GLYATL2: variants seen among roughly 807,000 people sequenced by gnomAD.
GLYATL2 encodes glycine N-acyltransferase-like protein 2.
GLYATL2 carries 25 observed loss-of-function variants against 21.4 expected under a neutral mutation model. That is an observed-to-expected ratio of 1.17 (90% CI 0.85 to 1.63). GLYATL2 has a LOEUF of 1.63. Ranked by LOEUF, GLYATL2 falls within the 40% of genes most tolerant of loss-of-function variation. The pLI is 0.00. For synonymous variants in GLYATL2, 114 were observed against 118.2 expected (o/e 0.96, Z 0.23); for missense variants, 361 against 343.3 (o/e 1.05, Z -0.41).
At chr11:58,894,250 G>T (rs972000921) in intron 1 of GLYATL2, among the ~76,000 whole-genome samples, 2 of 152,194 alleles carry the variant, frequency 1.3e-5, no homozygotes, top group African/African-American at 4.8e-5. Context: ...GAGGACTGGA[G>T]AGTGAGTAGG....
At chr11:58,869,490 A>G (rs1854079015) in intron 1 of GLYATL2, among the ~76,000 whole-genome samples, 1 of 152,154 alleles carries the variant, frequency 6.6e-6, no homozygotes, top group African/African-American at 2.4e-5. Flanking sequence ...TTTACCTATC[A>G]AGGCTAACAA....
intron 1 of GLYATL2, among the ~76,000 whole-genome samples, 157 bp downstream of exon 1, chr11:58,844,277 G>A (rs1231086898): frequency 6.6e-6 from 1 of 152,138 alleles, no homozygotes; most frequent in African/African-American, 2.4e-5. Flanking sequence ...AAAAGGTTTT[G>A]AAGAATTCAT....
intron 1 of GLYATL2, among the ~76,000 whole-genome samples, chr11:58,850,195 C>T (rs1028831933): frequency 2.0e-5 from 3 of 152,112 alleles, no homozygotes; most frequent in Non-Finnish European, 4.4e-5. Flanking sequence ...AGCTTTTCCC[C>T]ATTCAGTGTG....
At chr11:58,902,043 T>G (rs1854749074) in intron 1 of GLYATL2, among the ~76,000 whole-genome samples, 1 of 152,180 alleles carries the variant, frequency 6.6e-6, no homozygotes, top group Non-Finnish European at 1.5e-5. Flanking sequence ...ATGAGTGCAT[T>G]GTCTTCCTAA....
intron 1 of GLYATL2, among the ~76,000 whole-genome samples, chr11:58,900,083 T>C (rs1431873357): frequency 6.6e-6 from 1 of 152,224 alleles, no homozygotes; most frequent in Non-Finnish European, 1.5e-5. Context: ...AAACCTCCTC[T>C]GCTTTACAGC....
chr11:58,895,607 C>T (rs989080979), intron 1 of GLYATL2, among the ~76,000 whole-genome samples: 2 of 152,172 alleles, frequency 1.3e-5, no homozygotes, highest in African/African-American at 4.8e-5. Context: ...TATCAGGGGC[C>T]AGCACTGCTG....
At chr11:58,867,838 A>G (rs1854047936) in intron 1 of GLYATL2, among the ~76,000 whole-genome samples, 1 of 148,766 alleles carries the variant, frequency 6.7e-6, no homozygotes, top group Non-Finnish European at 1.5e-5. Context: ...AGAGAAGTGG[A>G]CTTGGAGAAT....
At chr11:58,846,524 G>A (rs1328136400), upstream of GLYATL2, among the ~76,000 whole-genome samples, 1 of 151,654 alleles carries the variant, frequency 6.6e-6, no homozygotes, top group Non-Finnish European at 1.5e-5. Flanking sequence ...GGGCACGGGG[G>A]TAGAAAGAAC....
chr11:58,859,743 A>G (rs1232350052), intron 1 of GLYATL2, among the ~76,000 whole-genome samples: 1 of 152,152 alleles, frequency 6.6e-6, no homozygotes, highest in East Asian at 1.9e-4. Context: ...GTGGTTTTGC[A>G]GTCTCAGGTC....
chr11:58,856,689 G>A (rs1853833875), intron 1 of GLYATL2, among the ~76,000 whole-genome samples: 1 of 152,154 alleles, frequency 6.6e-6, no homozygotes. Context: ...ATTAGGTGAG[G>A]CAGTCAGAAC....
At chr11:58,864,922 C>A (rs526640) in intron 1 of GLYATL2, among the ~76,000 whole-genome samples, 130,695 of 148,546 alleles carry the variant, frequency 0.88, 59,372 homozygotes, top group Non-Finnish European at 0.98. Flanking sequence ...TTGGAAAGAA[C>A]GATGGCAGAT....
intron 1 of GLYATL2, among the ~76,000 whole-genome samples, chr11:58,882,440 T>C (rs1278107294): frequency 6.6e-6 from 1 of 152,208 alleles, no homozygotes; most frequent in Non-Finnish European, 1.5e-5. Context: ...TTGATTTTTT[T>C]CTTATAAATT....
upstream of GLYATL2, among the ~76,000 whole-genome samples, chr11:58,845,778 AG>A (rs1355095246): frequency 6.6e-6 from 1 of 152,198 alleles, no homozygotes; most frequent in Non-Finnish European, 1.5e-5. Flanking sequence ...CTGGAACATG[AG>A]GCCAAATATC....
chr11:58,886,503 TTCA>T (rs1437051082), intron 1 of GLYATL2, among the ~76,000 whole-genome samples: 1 of 152,214 alleles, frequency 6.6e-6, no homozygotes, highest in African/African-American at 2.4e-5. Flanking sequence ...TTCTCTGAGT[TTCA>T]TCATCTGTTA....
intron 1 of GLYATL2, among the ~76,000 whole-genome samples, chr11:58,880,081 A>G (rs1191086914): frequency 6.6e-6 from 1 of 152,064 alleles, no homozygotes; most frequent in African/African-American, 2.4e-5. Flanking sequence ...GATAGTCTCG[A>G]TCTCCTGACC....
At chr11:58,907,733 T>A (rs182133516), upstream of GLYATL2, 1 of 202,630 alleles carries the variant, frequency 4.9e-6, no homozygotes, top group East Asian at 1.2e-4. Flanking sequence ...GTGCCAAAAA[T>A]TTTTACATTC....
intron 5 of GLYATL2, among the ~76,000 whole-genome samples, chr11:58,835,557 C>T (rs923055437): frequency 1.1e-4 from 16 of 152,232 alleles, no homozygotes; most frequent in African/African-American, 3.6e-4. Flanking sequence ...GAAGTTTAGC[C>T]CCTCTCCAGG....
chr11:58,841,830 A>G (rs1853558662), intron 1 of GLYATL2, among the ~76,000 whole-genome samples: 1 of 152,214 alleles, frequency 6.6e-6, no homozygotes, highest in African/African-American at 2.4e-5. Context: ...AGAAGCTAAA[A>G]GATATGAGTA....
upstream of GLYATL2, chr11:58,905,688 G>A (rs1488682559): frequency 2.2e-6 from 1 of 452,754 alleles, no homozygotes; most frequent in Non-Finnish European, 4.4e-6. Context: ...TGTGGACCGA[G>A]TGGTTCGGGG....
Sources: allele counts gnomAD v4.1 joint callset (sites outside exome capture counted in the v4.1 genomes callset), GRCh38; gene constraint gnomAD v4.1.1; transcripts MANE v1.5; gene names NCBI Gene and HGNC (gene_info 2026-07-23, HGNC 2026-07-21).